The following IQCE variants were observed in gnomAD, a reference collection of about 807,000 sequenced individuals.
IQCE encodes the protein IQ motif containing E, also known as IQ domain-containing protein E.
In IQCE, 115 loss-of-function variants were observed where a neutral mutation model predicts 96.0. That is an observed-to-expected ratio of 1.20 (90% confidence interval 1.03 to 1.40). IQCE has a LOEUF of 1.40. Ranked by LOEUF, IQCE falls within the 40% of genes most tolerant of loss-of-function variation. The pLI is 0.00. For synonymous variants in IQCE, 412 were observed against 371.2 expected (o/e 1.11, Z -1.26); for missense variants, 1,041 against 909.1 (o/e 1.15, Z -1.87).
intron 17 of IQCE, among the ~76,000 whole-genome samples, chr7:2,599,641 C>CA (rs1164230545): frequency 6.6e-6 from 1 of 152,062 alleles, no homozygotes; most frequent in Non-Finnish European, 1.5e-5. Context: ...GGACTACAGG[C>CA]AGGCACCACC....
intron 1 of IQCE, among the ~76,000 whole-genome samples, chr7:2,559,788 G>A (rs1490184984): frequency 7.9e-6 from 1 of 126,138 alleles, no homozygotes; most frequent in African/African-American, 2.8e-5. Flanking sequence ...GGGGGCGGAG[G>A]GACAAGGTAA....
intron 6 of IQCE, among the ~76,000 whole-genome samples, chr7:2,577,671 G>C (rs111517389): frequency 2.4e-5 from 2 of 81,742 alleles, no homozygotes; most frequent in Non-Finnish European, 5.0e-5. Flanking sequence ...GCGCGGGGAC[G>C]TGTGTGCGGC....
chr7:2,565,839 C>T (rs545045694), intron 1 of IQCE, among the ~76,000 whole-genome samples: 10 of 152,126 alleles, frequency 6.6e-5, no homozygotes, highest in South Asian at 6.2e-4. Flanking sequence ...TTTTTTTAAA[C>T]GCTCCATTTA....
intron 21 of IQCE, among the ~76,000 whole-genome samples, chr7:2,608,466 G>A (rs865803488): frequency 3.3e-5 from 5 of 152,210 alleles, no homozygotes; most frequent in African/African-American, 9.6e-5. Context: ...ACCTAGTTTC[G>A]TCAGAGCTAG....
chr7:2,566,954 A>G (rs1781419374), intron 1 of IQCE, among the ~76,000 whole-genome samples, 162 bp from the exon 2 acceptor site: 1 of 152,102 alleles, frequency 6.6e-6, no homozygotes, highest in Admixed American at 6.5e-5. Flanking sequence ...AGACTGAGGA[A>G]CTGGCTGCTG....
At position 2,567,131 on chromosome 7, in the gene IQCE, T is replaced by C. The variant is rs1354544552; in HGVS notation, c.52T>C (p.Ser18Pro). ...PALDTGDDSL[S>P]AVTFDSDVET... ...CTTCCTCCAGGGAGATGACAGTCTG[T>C]CTGCAGTCACCTTTGACTCTGATGT... The change falls in exon 2 of 22, where the codon TCT (serine) becomes CCT (proline). Residue 18 changes from serine to proline, a missense_variant. Ser to Pro is a moderately conservative substitution (Grantham distance 74). Transcript: ENST00000402050. The C allele has an allele frequency of 3.7e-6, 6 of 1,613,922 alleles. No homozygotes were observed. The highest frequency in any genetic ancestry group is 5.1e-6 in the Non-Finnish European group (6 of 1,179,886).
rs2128476604 is a variant in IQCE at position 2,612,325 on chromosome 7, G to A, written c.*2163G>A. 1 of 152,440 alleles carries A rather than the reference G, an allele frequency of 6.6e-6. No individual in the cohort carries two copies. The highest frequency in any genetic ancestry group is 1.9e-4 in the East Asian group (1 of 5,190). 9.4% of individuals were successfully genotyped at this position (152,440 alleles called of 1,614,324 possible). The stretch of plus-strand genomic sequence containing the variant: ...AGCCAGTGTCTTCAGCTGATGCCCA[G>A]TGTCCAGTGCTGGTCACCAGTCCCC... On this transcript the variant is annotated 3_prime_UTR_variant, in exon 22 of 22. Coordinates refer to ENST00000402050, the MANE Select transcript of IQCE (RefSeq NM_152558.5).
intron 13 of IQCE, among the ~76,000 whole-genome samples, chr7:2,589,601 A>G (rs540865530): frequency 8.5e-5 from 13 of 152,212 alleles, no homozygotes; most frequent in Non-Finnish European, 1.3e-4. Context: ...AGGAGGGAAG[A>G]TGTGCAGAGT....
intron 5 of IQCE, among the ~76,000 whole-genome samples, 197 bp from the exon 6 acceptor site, chr7:2,573,221 C>G (rs1781884644): frequency 6.6e-6 from 1 of 152,216 alleles, no homozygotes; most frequent in South Asian, 2.1e-4. Flanking sequence ...CTCTCTCTAT[C>G]TACCATTTTT....
chr7:2,567,692 C>G (rs937833543), intron 2 of IQCE, among the ~76,000 whole-genome samples: 1 of 152,220 alleles, frequency 6.6e-6, no homozygotes, highest in African/African-American at 2.4e-5. Context: ...AATTGCTCTT[C>G]TCGTGTATGA....
In IQCE at chr7:2,578,294, G is replaced by T. The variant is rs976202890; in HGVS notation, c.518G>T (p.Arg173Leu). The change falls in exon 7 of 22, where the codon CGC (arginine) becomes CTC (leucine). Residue 173 changes from arginine (R) to leucine (L), a missense_variant. Physicochemically the swap from Arg to Leu is moderately radical, Grantham distance 102. Transcript: ENST00000402050. ...DVDLMRTKLRRLEEENSRKDR... is the reference protein window; with the variant it reads ...DVDLMRTKLRLLEEENSRKDR... Reference sequence around the variant, plus strand: ...GACCTGATGAGAACGAAGCTCCGGCGCCTGGAGGAGGAAAACAGCAGGAAG... The same window carrying T: ...GACCTGATGAGAACGAAGCTCCGGCTCCTGGAGGAGGAAAACAGCAGGAAG... The T allele has an allele frequency of 1.2e-6, 2 of 1,613,804 alleles. No homozygotes were observed. Among genetic ancestry groups the T allele is most frequent in the African/African-American group, 2.7e-5 (2 of 74,824 alleles).
intron 12 of IQCE, among the ~76,000 whole-genome samples, chr7:2,586,759 G>A (rs1274832106): frequency 2.6e-5 from 4 of 152,226 alleles, no homozygotes; most frequent in Non-Finnish European, 4.4e-5. Flanking sequence ...ACAGCTGAGC[G>A]GGACCTGGAA....
rs1474449006 is a variant in IQCE at position 2,567,109 on chromosome 7, C to T, written c.37-7C>T. 1 of 1,613,508 alleles carries T rather than the reference C, an allele frequency of 6.2e-7. No individual in the cohort carries two copies. The highest frequency in any genetic ancestry group is 8.5e-7 in the Non-Finnish European group (1 of 1,179,558). On this transcript the variant is annotated splice_polypyrimidine_tract_variant and splice_region_variant and intron_variant, in intron 1 of 21. Transcript: ENST00000402050. ...TCGAGTTACAGTGTTTGCCTCTCTTCCTCCAGGGAGATGACAGTCTGTCTG... is the reference window on the plus strand; with the variant it reads ...TCGAGTTACAGTGTTTGCCTCTCTTTCTCCAGGGAGATGACAGTCTGTCTG...
At chr7:2,582,460 A>C in intron 8 of IQCE, 120 bp from the exon 9 acceptor site, 1 of 807,046 alleles carries the variant, frequency 1.2e-6, no homozygotes, top group Non-Finnish European at 2.1e-6. Context: ...TCTAGAAGAG[A>C]GCACAGCGCT....
chr7:2,559,297 C>T lies in IQCE; in HGVS notation c.36+80C>T, dbSNP rs1394478850. ...TCTCCGTCGCCCGCAGCCTCGGGGC[C>T]CCGCGCAGGGGCCGGCCCGGGGCGT... On this transcript the variant is annotated intron_variant, in intron 1 of 21. Transcript: ENST00000402050. 6.8e-6 allele frequency: 6 copies of T among 876,098 alleles called. No individual in the cohort carries two copies. The East Asian group carries it at 1.5e-4, about 22-fold the overall frequency. The allele number at this position is 876,098 out of a possible 1,614,324, so 54.3% of individuals were successfully genotyped here.
At chr7:2,592,487 C>T (rs573334212) in intron 14 of IQCE, among the ~76,000 whole-genome samples, 27 of 152,252 alleles carry the variant, frequency 1.8e-4, no homozygotes, top group African/African-American at 6.5e-4. Context: ...CAGAGACTCA[C>T]AGGCCCTGAG....
chr7:2,604,988 C>G lies in IQCE; in HGVS notation c.1740C>G (p.Asp580Glu). ...SEPPSVPGLP[D>E]QSSPVPRVPS... is the part of the protein sequence containing the mutation. ...CACCCAGCGTGCCAGGCCTCCCAGA[C>G]CAGGTAATGTCGGGGTGCTGGACGT... is the stretch of plus-strand genomic sequence containing the variant. Residue 580 changes from aspartate (D) to glutamate (E), a missense_variant, in exon 19 of 22, where the codon GAC becomes GAG. Asp to Glu is a conservative substitution (Grantham distance 45, BLOSUM62 2). Transcript: ENST00000402050. 1.2e-6 allele frequency: 2 copies of G among 1,609,450 alleles called. No individual in the cohort carries two copies. The highest frequency in any genetic ancestry group is 1.7e-6 in the Non-Finnish European group (2 of 1,176,348).
chr7:2,582,305 C>T (rs1782735603), intron 8 of IQCE, among the ~76,000 whole-genome samples: 1 of 152,170 alleles, frequency 6.6e-6, no homozygotes, highest in African/African-American at 2.4e-5. Flanking sequence ...GTGCAGTGTG[C>T]TTGGGGGAGG....
chr7:2,609,065 C>T (rs567027116), intron 21 of IQCE, among the ~76,000 whole-genome samples: 1 of 152,326 alleles, frequency 6.6e-6, no homozygotes, highest in African/African-American at 2.4e-5. Flanking sequence ...CTCAGGCTCC[C>T]CGGCAAGGAG....
Sources: allele counts gnomAD v4.1 joint callset (sites outside exome capture counted in the v4.1 genomes callset), GRCh38; gene constraint gnomAD v4.1.1; transcripts MANE v1.5; gene names NCBI Gene and HGNC (gene_info 2026-07-23, HGNC 2026-07-21).